GCA: variants seen among roughly 807,000 people sequenced by gnomAD.
The protein encoded by GCA is grancalcin, EF-hand calcium-binding protein.
In GCA, 30 loss-of-function variants were observed where a neutral mutation model predicts 32.6. The ratio of observed to expected loss-of-function variants is 0.92; its 90% CI spans 0.69 to 1.25. GCA has a LOEUF of 1.25. GCA is among the 50% of genes most tolerant of loss of function. The pLI is 0.00. For missense variants in GCA, 291 were observed against 266.8 expected (o/e 1.09, Z -0.63); for synonymous variants, 102 against 84.6 (o/e 1.21, Z -1.13).
At chr2:162,371,346 C>T (rs1490464283) in exon 5 of GCA, 2 of 1,288,688 alleles carry the variant, frequency 1.6e-6, no homozygotes, top group Admixed American at 2.3e-5. Flanking sequence ...CATCTTGATA[C>T]AGAAAGACCT....
At chr2:162,352,193 A>G (rs1006036241) in intron 2 of GCA, 145 bp from the exon 3 acceptor site, 286 of 575,050 alleles carry the variant, frequency 5.0e-4, no homozygotes, top group Non-Finnish European at 8.4e-4. Context: ...TGTTGTCAGT[A>G]ATTATCTCTA....
chr2:162,349,626 G>A (rs1684889031), intron 2 of GCA, among the ~76,000 whole-genome samples: 1 of 150,490 alleles, frequency 6.6e-6, no homozygotes, highest in Non-Finnish European at 1.5e-5. Context: ...GAGACTGGGG[G>A]CCAGAGAGGA....
chr2:162,373,547 G>C, downstream of GCA: 1 of 1,592,532 alleles, frequency 6.3e-7, no homozygotes, highest in Non-Finnish European at 8.6e-7. Context: ...TGGATGATGG[G>C]TCTCTGATAT....
chr2:162,319,699 T>C (rs1683596235), intron 1 of GCA, among the ~76,000 whole-genome samples: 1 of 152,226 alleles, frequency 6.6e-6, no homozygotes, highest in Admixed American at 6.5e-5. Flanking sequence ...AGGCATTCTG[T>C]AGCCACATGT....
At position 162,321,921 on chromosome 2, in the gene GCA, TATATATATATATAC is replaced by T. The variant is rs1392286395; in HGVS notation, c.-31+2698_-31+2711del. On this transcript the variant is annotated intron_variant, in intron 1 of 4. Coordinates refer to the GCA transcript ENST00000429691. ...ATATATATATATATATATATATATA[TATATATATATATAC>T]ACACATACATATAAACACTATATAA... 7.5e-3 allele frequency among the ~76,000 whole-genome samples: 713 copies of T among 95,020 alleles called. 33 individuals are homozygous for T. The highest frequency in any genetic ancestry group is 0.037 in the African/African-American group (676 of 18,028). 62.3% of individuals were successfully genotyped at this position (95,020 alleles called of 152,430 possible). A position where few individuals can be genotyped will look rare whatever the true frequency, so the allele number is the denominator to read the frequency against.
chr2:162,331,787 T>C (rs920002528), intron 1 of GCA, among the ~76,000 whole-genome samples: 1 of 152,238 alleles, frequency 6.6e-6, no homozygotes, highest in Non-Finnish European at 1.5e-5. Context: ...TGTATATATA[T>C]AGCTTGCTGG....
At chr2:162,353,611 C>T (rs918004975) in intron 3 of GCA, among the ~76,000 whole-genome samples, 2 of 152,176 alleles carry the variant, frequency 1.3e-5, no homozygotes, top group African/African-American at 4.8e-5. Flanking sequence ...AAAGGTATTG[C>T]TCCATTGTTT....
chr2:162,358,658 G>C (rs1576299620), intron 5 of GCA, among the ~76,000 whole-genome samples: 1 of 151,300 alleles, frequency 6.6e-6, no homozygotes, highest in South Asian at 2.1e-4. Flanking sequence ...AATATCATTT[G>C]AATAACAAAG....
chr2:162,353,806 G>A (rs533733834), intron 3 of GCA, among the ~76,000 whole-genome samples: 11 of 152,142 alleles, frequency 7.2e-5, no homozygotes, highest in Admixed American at 1.3e-4. Context: ...TGCTTTAGAT[G>A]TAGGACGTTT....
intron 1 of GCA, among the ~76,000 whole-genome samples, chr2:162,346,249 C>T (rs954287572): frequency 6.6e-6 from 1 of 152,138 alleles, no homozygotes; most frequent in African/African-American, 2.4e-5. Flanking sequence ...AAAACTTAAA[C>T]AGATTAGATT....
chr2:162,371,624 A>T (rs900545594), downstream of GCA: 4 of 795,568 alleles, frequency 5.0e-6, no homozygotes, highest in African/African-American at 5.2e-5. Context: ...CAGTTTTAAC[A>T]TTTGGAACCA....
downstream of GCA, among the ~76,000 whole-genome samples, chr2:162,373,141 G>C (rs1393364848): frequency 1.3e-5 from 2 of 152,078 alleles, no homozygotes; most frequent in African/African-American, 2.4e-5. Context: ...TAAGAGCCAG[G>C]AAGACTATTC....
At chr2:162,365,446 TA>T (rs1242436615), downstream of GCA, among the ~76,000 whole-genome samples, 4 of 151,784 alleles carry the variant, frequency 2.6e-5, no homozygotes, top group African/African-American at 9.6e-5. Flanking sequence ...AAAAAATAAA[TA>T]TTTCTGCACA....
downstream of GCA, chr2:162,372,094 C>T (rs758502206): frequency 1.2e-6 from 2 of 1,606,336 alleles, no homozygotes; most frequent in Non-Finnish European, 8.5e-7. Context: ...AAATTCAGGA[C>T]ACTGATGGAA....
chr2:162,373,741 T>A (rs1686052249), downstream of GCA: 2 of 971,958 alleles, frequency 2.1e-6, no homozygotes, highest in Non-Finnish European at 2.8e-6. Flanking sequence ...ATTTCAGCAC[T>A]ACCAAGAAAC....
chr2:162,343,506 C>G (rs1273288315), upstream of GCA, among the ~76,000 whole-genome samples: 2 of 152,274 alleles, frequency 1.3e-5, no homozygotes, highest in East Asian at 3.9e-4. Context: ...ATTTGGAAAT[C>G]AACTTTAACT....
chr2:162,371,727 AC>A, downstream of GCA: 6 of 1,119,466 alleles, frequency 5.4e-6, no homozygotes, highest in Non-Finnish European at 7.6e-6. Context: ...ATATAATGGT[AC>A]CTTGTGAGCC....
chr2:162,356,342 G>A lies in GCA; in HGVS notation c.263-96G>A, dbSNP rs548939055. On this transcript the variant is annotated intron_variant, in intron 3 of 7. Coordinates refer to ENST00000437150, the MANE Select transcript of GCA (RefSeq NM_012198.5). ...TGTGGTGATTTTATATATTTTGGCAGTTTTTTAATGTTTTATTTTGAAACT... is the reference window on the plus strand; with the variant it reads ...TGTGGTGATTTTATATATTTTGGCAATTTTTTAATGTTTTATTTTGAAACT... 1.1e-5 allele frequency: 8 copies of A among 751,056 alleles called. No homozygotes were observed. In the African/African-American group the frequency reaches 1.4e-4, roughly 13 times the overall value. The allele number at this position is 751,056 out of a possible 1,614,324, so 46.5% of individuals were successfully genotyped here.
At chr2:162,354,790 CT>C (rs546231619) in intron 3 of GCA, among the ~76,000 whole-genome samples, 56 of 152,254 alleles carry the variant, frequency 3.7e-4, no homozygotes, top group Admixed American at 1.8e-3. Context: ...GTCTAATTCT[CT>C]TTTTCTCTAA....
Sources: allele counts gnomAD v4.1 joint callset (sites outside exome capture counted in the v4.1 genomes callset), GRCh38; gene constraint gnomAD v4.1.1; transcripts MANE v1.5; gene names NCBI Gene and HGNC (gene_info 2026-07-23, HGNC 2026-07-21).